Variants in ANKRD30A observed in about 807,000 individuals in gnomAD.
ANKRD30A encodes the protein ankyrin repeat domain 30A.
In ANKRD30A, 170 loss-of-function variants were observed where a neutral mutation model predicts 166.3. The observed-to-expected ratio is 1.02, with a 90% CI of 0.90 to 1.16. The LOEUF is 1.16. Ranked by LOEUF, ANKRD30A falls within the 50% of genes most tolerant of loss-of-function variation. ANKRD30A has a pLI of 0.00. For synonymous variants in ANKRD30A, 564 were observed against 508.9 expected, an observed-to-expected ratio of 1.11 and a Z score of -1.46; for missense variants, 1,630 against 1,518.0, an observed-to-expected ratio of 1.07 and a Z score of -1.23.
At chr10:37,136,739 A>G in intron 6 of ANKRD30A, 68 bp downstream of exon 6, 7 of 944,746 alleles carry the variant, frequency 7.4e-6, no homozygotes, top group Non-Finnish European at 1.1e-5. Context: ...TTGATCACAA[A>G]AAGGTAATTC....
chr10:37,235,240 T>C (rs1448808110), downstream of ANKRD30A, among the ~76,000 whole-genome samples: 1 of 152,186 alleles, frequency 6.6e-6, no homozygotes, highest in Non-Finnish European at 1.5e-5. Flanking sequence ...CTTTTATTCA[T>C]TTTTCCCCCA....
At chr10:37,238,072 C>G in the ANKRD30A span, among the ~76,000 whole-genome samples, 1 of 152,208 alleles carries the variant, frequency 6.6e-6, no homozygotes, top group Middle Eastern at 3.4e-3. Context: ...AAAGGTGGAG[C>G]CATCAATATC....
chr10:37,265,021 T>G, the ANKRD30A span, among the ~76,000 whole-genome samples: 34 of 152,314 alleles, frequency 2.2e-4, no homozygotes, highest in African/African-American at 8.2e-4. Flanking sequence ...GTTACAGTTT[T>G]GATGTTGTAC....
intron 10 of ANKRD30A, 26 bp downstream of exon 10, chr10:37,149,705 G>C (rs1180558829): frequency 1.9e-6 from 3 of 1,612,114 alleles, no homozygotes; most frequent in Non-Finnish European, 2.5e-6. Context: ...ATTTCATTTT[G>C]AATGACTTAT....
At chr10:37,131,749 T>G (rs916623218) in intron 3 of ANKRD30A, among the ~76,000 whole-genome samples, 1 of 152,212 alleles carries the variant, frequency 6.6e-6, no homozygotes, top group Non-Finnish European at 1.5e-5. Flanking sequence ...TTCAAGTCAT[T>G]TATTGAATAC....
intron 31 of ANKRD30A, among the ~76,000 whole-genome samples, 170 bp downstream of exon 31, chr10:37,201,495 A>G (rs2132694110): frequency 6.6e-6 from 1 of 152,176 alleles, no homozygotes; most frequent in Admixed American, 6.6e-5. Context: ...TTGGCAAAAG[A>G]CTATATTGAG....
the ANKRD30A span, among the ~76,000 whole-genome samples, chr10:37,249,788 G>A: frequency 1.3e-5 from 2 of 152,312 alleles, no homozygotes; most frequent in African/African-American, 4.8e-5. Flanking sequence ...AAGGCTTTGA[G>A]TGTGAGGTTA....
chr10:37,148,065 G>C (rs1003430881), intron 9 of ANKRD30A, among the ~76,000 whole-genome samples: 1 of 143,436 alleles, frequency 7.0e-6, no homozygotes, highest in Non-Finnish European at 1.5e-5. Flanking sequence ...ACTCAGTATA[G>C]ACAAATACTT....
At chr10:37,220,543 C>T (rs1369734742) in intron 34 of ANKRD30A, among the ~76,000 whole-genome samples, 2 of 151,062 alleles carry the variant, frequency 1.3e-5, no homozygotes, top group Non-Finnish European at 3.0e-5. Context: ...TTTTTAAAGG[C>T]ATCTGTGTTT....
chr10:37,231,765 G>T, intron 35 of ANKRD30A, 85 bp downstream of exon 35: 1 of 223,458 alleles, frequency 4.5e-6, no homozygotes. Flanking sequence ...TGAGTTAATT[G>T]ACTCACGTGT....
At chr10:37,136,333 G>A (rs1836681899) in intron 5 of ANKRD30A, among the ~76,000 whole-genome samples, 2 of 152,102 alleles carry the variant, frequency 1.3e-5, no homozygotes, top group Non-Finnish European at 2.9e-5. Flanking sequence ...TTCTGAGTTA[G>A]GGAGATTTTC....
chr10:37,127,046 CAAAAAAAA>C (rs71007622), intron 1 of ANKRD30A, among the ~76,000 whole-genome samples: 23 of 16,482 alleles, frequency 1.4e-3, no homozygotes, highest in African/African-American at 6.5e-3. Context: ...AACTCTGTCT[CAAAAAAAA>C]AAAAAAAAAA....
At chr10:37,136,580 TTTTA>T (rs1188182523) in intron 5 of ANKRD30A, 23 bp from the exon 6 acceptor site, 11 of 1,119,806 alleles carry the variant, frequency 9.8e-6, no homozygotes, top group African/African-American at 1.6e-5. Flanking sequence ...AAAATGGTAA[TTTTA>T]TTTATCACAT....
the ANKRD30A span, among the ~76,000 whole-genome samples, chr10:37,257,210 A>T: frequency 6.6e-6 from 1 of 151,606 alleles, no homozygotes; most frequent in Non-Finnish European, 1.5e-5. Context: ...CTCTGATGGT[A>T]GTTTTTATTT....
chr10:37,235,156 A>G (rs1044004572), downstream of ANKRD30A, among the ~76,000 whole-genome samples: 3 of 152,140 alleles, frequency 2.0e-5, no homozygotes, highest in South Asian at 2.1e-4. Context: ...TTTTTTATCT[A>G]CTTAGCCAAA....
At chr10:37,146,349 A>G (rs544079450) in intron 8 of ANKRD30A, among the ~76,000 whole-genome samples, 1 of 152,384 alleles carries the variant, frequency 6.6e-6, no homozygotes, top group South Asian at 2.1e-4. Context: ...TGCACTTTAT[A>G]TGACTTATTC....
At chr10:37,255,995 T>C in the ANKRD30A span, among the ~76,000 whole-genome samples, 1 of 152,198 alleles carries the variant, frequency 6.6e-6, no homozygotes, top group Non-Finnish European at 1.5e-5. Context: ...TTGGACTGTG[T>C]GTATTCTCGT....
Position 37,137,348 on chromosome 10 carries a change from A to G in ANKRD30A, c.820+677A>G, listed in dbSNP as rs370856767. Among the ~76,000 whole-genome samples, 17 of 152,294 alleles carry G rather than the reference A, an allele frequency of 1.1e-4. No individual in the cohort carries two copies. In the East Asian group the frequency reaches 1.2e-3, roughly 10 times the overall value. ...CATTTCCAACTGAGGTACCCGGTTC[A>G]TCTCACTGGACAGTGTTGGAAAGTG... On this transcript the variant is annotated intron_variant, in intron 6 of 35. Coordinates refer to ENST00000361713, the MANE Select transcript of ANKRD30A (RefSeq NM_052997.3).
At chr10:37,192,671 A>G (rs1410404682) in intron 25 of ANKRD30A, among the ~76,000 whole-genome samples, 2 of 152,060 alleles carry the variant, frequency 1.3e-5, no homozygotes, top group South Asian at 2.1e-4. Context: ...AATATGCCAT[A>G]GCATTCTCCC....
Sources: gnomAD v4.1 joint callset for allele counts (sites outside exome capture counted in the v4.1 genomes callset) on GRCh38, gnomAD v4.1.1 for gene constraint, MANE v1.5 for transcripts, NCBI Gene and HGNC (gene_info 2026-07-23, HGNC 2026-07-21) for gene names.